Variants in ADAM12 observed in about 807,000 individuals in gnomAD.
The protein encoded by ADAM12 is disintegrin and metalloproteinase domain-containing protein 12.
ADAM12 carries 70 observed loss-of-function variants against 106.4 expected under a neutral mutation model. The ratio of observed to expected loss-of-function variants is 0.66; its 90% CI spans 0.54 to 0.80. The LOEUF (loss-of-function observed/expected upper bound fraction) is 0.80. Ranked by LOEUF, ADAM12 falls within the 30% of genes least tolerant of loss-of-function variation. The pLI is 0.00. For synonymous variants in ADAM12, 420 were observed against 433.5 expected, an observed-to-expected ratio of 0.97 and a Z score of 0.39; for missense variants, 1,010 against 1,171.9, an observed-to-expected ratio of 0.86 and a Z score of 2.02.
chr10:126,209,587 ACT>A (rs1434628896), intron 3 of ADAM12, among the ~76,000 whole-genome samples: 4 of 152,100 alleles, frequency 2.6e-5, no homozygotes, highest in Non-Finnish European at 4.4e-5. Flanking sequence ...GATTTTACAA[ACT>A]CTGTTGAGTT....
intron 3 of ADAM12, among the ~76,000 whole-genome samples, chr10:126,224,805 G>C (rs1756332628): frequency 6.6e-6 from 1 of 152,228 alleles, no homozygotes; most frequent in South Asian, 2.1e-4. Flanking sequence ...CAGGAGAGGG[G>C]CGTGTCTGGA....
intron 3 of ADAM12, among the ~76,000 whole-genome samples, chr10:126,174,356 TC>T (rs1957179556): frequency 6.6e-6 from 1 of 152,102 alleles, no homozygotes; most frequent in African/African-American, 2.4e-5. Flanking sequence ...GCTATCCAAG[TC>T]GGCAAATGTC....
At chr10:126,314,436 T>G (rs1961257097) in intron 2 of ADAM12, among the ~76,000 whole-genome samples, 1 of 152,168 alleles carries the variant, frequency 6.6e-6, no homozygotes, top group African/African-American at 2.4e-5. Flanking sequence ...AACGTCTGGC[T>G]GCCCTTTGGA....
At chr10:126,278,216 T>C (rs2133752385) in intron 3 of ADAM12, among the ~76,000 whole-genome samples, 1 of 152,320 alleles carries the variant, frequency 6.6e-6, no homozygotes, top group South Asian at 2.1e-4. Flanking sequence ...TCTTCTTTTA[T>C]GGTACTAATG....
chr10:126,192,276 C>A (rs1957516893), intron 3 of ADAM12, among the ~76,000 whole-genome samples: 1 of 152,146 alleles, frequency 6.6e-6, no homozygotes, highest in African/African-American at 2.4e-5. Flanking sequence ...AATATACATA[C>A]ATAAAATGTG....
intron 2 of ADAM12, among the ~76,000 whole-genome samples, chr10:126,329,415 T>G (rs1854424349): frequency 6.6e-6 from 1 of 152,192 alleles, no homozygotes; most frequent in Admixed American, 6.5e-5. Context: ...TGTTTTTAAT[T>G]TTGCTGACCA....
intron 1 of ADAM12, among the ~76,000 whole-genome samples, chr10:126,346,148 T>C (rs1370288342): frequency 2.0e-5 from 3 of 152,220 alleles, no homozygotes; most frequent in Non-Finnish European, 2.9e-5. Flanking sequence ...TGCTTTCTCT[T>C]GTGGGCATTT....
intron 1 of ADAM12, among the ~76,000 whole-genome samples, chr10:126,364,189 T>C (rs1855835902): frequency 6.6e-6 from 1 of 152,066 alleles, no homozygotes; most frequent in African/African-American, 2.4e-5. Context: ...GTTCTTAAAA[T>C]CATAAACTCA....
intron 4 of ADAM12, among the ~76,000 whole-genome samples, chr10:126,139,607 T>C (rs1042283840): frequency 6.6e-6 from 1 of 151,742 alleles, no homozygotes; most frequent in African/African-American, 2.4e-5. Flanking sequence ...GGAGAGGACT[T>C]ACCTACAGAG....
rs1000140824 is a variant in ADAM12 at position 126,046,225 on chromosome 10, A to G, written c.1918-93T>C. On this transcript the variant is annotated intron_variant, in intron 16 of 22. Transcript: ENST00000448723. ...CTGTATTCAAACAAAAAGCAAGCAA[A>G]AGAAAGCTTGGAGAAGACCCAACCT... The G allele has an allele frequency of 4.1e-6, 5 of 1,229,224 alleles. No homozygotes were observed. In the Middle Eastern group the frequency reaches 5.7e-4, roughly 139 times the overall value. The allele number at this position is 1,229,224 out of a possible 1,614,324, so 76.1% of individuals were successfully genotyped here.
At chr10:126,295,174 A>C (rs994755498) in intron 2 of ADAM12, among the ~76,000 whole-genome samples, 1 of 151,978 alleles carries the variant, frequency 6.6e-6, no homozygotes. Flanking sequence ...CTCTCCCCCC[A>C]AAAAATAGAA....
intron 2 of ADAM12, among the ~76,000 whole-genome samples, chr10:126,315,026 A>G (rs1197797344): frequency 4.6e-5 from 7 of 152,194 alleles, no homozygotes; most frequent in Admixed American, 4.6e-4. Context: ...AACGGTAAGC[A>G]TGCCGCTCCA....
chr10:126,049,203 G>C lies in ADAM12; in HGVS notation c.1917+50C>G. On this transcript the variant is annotated intron_variant, in intron 16 of 22. Transcript: ENST00000448723. The surrounding 1 kb of genome is among the most constrained non-coding windows in gnomAD (Gnocchi z 4.4). ...CCCAGTTCTTGCTGTTTTTCAATGG[G>C]CCCTGTTCCAGACTTACATTTATGA... is the stretch of plus-strand genomic sequence containing the variant. 2.5e-6 allele frequency: 4 copies of C among 1,603,368 alleles called. No homozygotes were observed. In the South Asian group the frequency reaches 4.4e-5, roughly 18 times the overall value.
chr10:126,364,703 C>T (rs186346936), intron 1 of ADAM12, among the ~76,000 whole-genome samples: 24 of 152,074 alleles, frequency 1.6e-4, no homozygotes, highest in Admixed American at 9.8e-4. Flanking sequence ...GAAGACAAAT[C>T]TTCAATAACA....
chr10:126,337,118 C>T (rs1854729331), intron 1 of ADAM12, among the ~76,000 whole-genome samples: 1 of 152,148 alleles, frequency 6.6e-6, no homozygotes, highest in African/African-American at 2.4e-5. Context: ...AATTACAAGG[C>T]GACGTCCCAG....
chr10:126,069,930 T>C (rs1954953371), intron 12 of ADAM12, among the ~76,000 whole-genome samples: 1 of 152,064 alleles, frequency 6.6e-6, no homozygotes, highest in East Asian at 1.9e-4. Context: ...TGGTGGCATA[T>C]GGAGTAAATG....
rs531230903 is a variant in ADAM12 at position 126,079,127 on chromosome 10, A to AT, written c.1146-7474dup. Among the ~76,000 whole-genome samples the AT allele has an allele frequency of 4.3e-4, 66 of 152,340 alleles. No homozygotes were observed. The East Asian group carries it at 6.4e-3, about 15-fold the overall frequency. ...TCAAGGTAGGGGCCTAGCAACCTGT[A>AT]TTTTAATAAGCTCTGCAGACGATTT... On this transcript the variant is annotated intron_variant, in intron 11 of 22. Transcript: ENST00000448723.
intron 8 of ADAM12, among the ~76,000 whole-genome samples, chr10:126,102,159 T>C (rs1336839491): frequency 1.3e-5 from 2 of 152,046 alleles, no homozygotes; most frequent in Non-Finnish European, 2.9e-5. Flanking sequence ...AGGGTAGAGG[T>C]ATGACCTACC....
At chr10:126,086,625 C>T (rs550289467) in intron 11 of ADAM12, among the ~76,000 whole-genome samples, 10 of 114,190 alleles carry the variant, frequency 8.8e-5, no homozygotes, top group East Asian at 2.7e-4. Flanking sequence ...TGCAGTGAGC[C>T]GAGATGGCCC....
Sources: gnomAD v4.1 joint callset for allele counts (sites outside exome capture counted in the v4.1 genomes callset) on GRCh38, gnomAD v4.1.1 for gene constraint, Gnocchi (gnomAD v3.1) non-coding constraint, MANE v1.5 for transcripts, NCBI Gene and HGNC (gene_info 2026-07-23, HGNC 2026-07-21) for gene names.